WDR75: variants seen among roughly 807,000 people sequenced by gnomAD.
WDR75 encodes the protein WD repeat domain 75.
A neutral mutation model predicts 106.1 loss-of-function variants in WDR75; 52 were observed. The ratio of observed to expected loss-of-function variants is 0.49; its 90% confidence interval spans 0.39 to 0.62. WDR75 has a LOEUF of 0.62. Ranked by LOEUF, WDR75 falls within the 20% of genes least tolerant of loss-of-function variation. The probability of loss-of-function intolerance (pLI) is 0.00; values close to 1 mark genes in which losing one functional copy is unlikely to be tolerated. For synonymous variants in WDR75, 333 were observed against 335.5 expected (o/e 0.99, Z 0.08); for missense variants, 905 against 970.3 (o/e 0.93, Z 0.89).
At chr2:189,455,240 C>CAAAACAAAA (rs1686708592) in intron 4 of WDR75, 80 bp from the exon 5 acceptor site, 1 of 1,130,786 alleles carries the variant, frequency 8.8e-7, no homozygotes, top group African/African-American at 1.6e-5. Context: ...GACTTTGCCT[C>CAAAACAAAA]AAAAAAAAAA....
intron 18 of WDR75, among the ~76,000 whole-genome samples, chr2:189,473,324 G>A (rs1275165702): frequency 6.6e-6 from 1 of 152,182 alleles, no homozygotes; most frequent in Non-Finnish European, 1.5e-5. Context: ...CTAAGGAAGA[G>A]AAGGAGTTGA....
At chr2:189,452,258 A>T (rs1185900081) in intron 4 of WDR75, among the ~76,000 whole-genome samples, 1 of 152,118 alleles carries the variant, frequency 6.6e-6, no homozygotes, top group Non-Finnish European at 1.5e-5. Context: ...TGGAAATGGC[A>T]TAGAAAATTG....
chr2:189,441,731 C>T (rs1686370952), intron 1 of WDR75, among the ~76,000 whole-genome samples, 153 bp downstream of exon 1: 2 of 152,192 alleles, frequency 1.3e-5, no homozygotes, highest in Non-Finnish European at 2.9e-5. Flanking sequence ...CCCAGGGTAC[C>T]TGGGAGGTCC....
At chr2:189,442,558 C>T (rs1453433669) in intron 1 of WDR75, among the ~76,000 whole-genome samples, 1 of 140,580 alleles carries the variant, frequency 7.1e-6, no homozygotes, top group Admixed American at 7.9e-5. Context: ...TCAAGCAATT[C>T]TGGTGCCTCG....
Position 189,468,569 on chromosome 2 carries a change from T to G in WDR75, c.1723T>G (p.Leu575Val), listed in dbSNP as rs140498226. 33 of 1,613,006 alleles carry G rather than the reference T, an allele frequency of 2.0e-5. No homozygotes were observed. The African/African-American group carries it at 4.0e-4, about 20-fold the overall frequency. The change falls in exon 15 of 21, where the codon TTG (leucine) becomes GTG (valine). Residue 575 changes from leucine (L) to valine (V), a missense_variant and splice_region_variant. By Grantham distance (32) the Leu-to-Val change is conservative (BLOSUM62 1). Transcript: ENST00000314761. ...CTGTTGGAATCTGCTGAGCTGTGCATGTAAGATATTTTTTACTCTAAAGTG... is the reference window on the plus strand; with the variant it reads ...CTGTTGGAATCTGCTGAGCTGTGCAGGTAAGATATTTTTTACTCTAAAGTG... ...LCCWNLLSCALEWNAKLNVRV... is the reference protein window; with the variant it reads ...LCCWNLLSCAVEWNAKLNVRV...
At chr2:189,467,854 G>T (rs1305991081) in intron 14 of WDR75, among the ~76,000 whole-genome samples, 1 of 152,092 alleles carries the variant, frequency 6.6e-6, no homozygotes, top group Non-Finnish European at 1.5e-5. Context: ...TTAACTCTTG[G>T]CCTACATATT....
chr2:189,462,588 C>G lies in WDR75; in HGVS notation c.883C>G (p.His295Asp). Residue 295 changes from histidine (H) to aspartate (D), a missense_variant, in exon 9 of 21, where the codon CAT (histidine) becomes GAT (aspartate). Transcript: ENST00000314761. ...CCCGCGTTTAGGAGCTACTATTGAA[C>G]ATATCTCAGTCTCGCCTGCAGGAGA... ...FLPRLGATIE[H>D]ISVSPAGDLF... is the part of the protein sequence containing the mutation. The G allele has an allele frequency of 6.2e-7, 1 of 1,613,988 alleles. No individual in the cohort carries two copies. Among genetic ancestry groups the G allele is most frequent in the Non-Finnish European group, 8.5e-7 (1 of 1,179,968 alleles).
chr2:189,454,528 GT>G (rs139716448), intron 4 of WDR75, among the ~76,000 whole-genome samples: 12 of 130,036 alleles, frequency 9.2e-5, no homozygotes, highest in Admixed American at 3.0e-4. Flanking sequence ...TATTTCTTTT[GT>G]TTTTTTTTTT....
intron 2 of WDR75, chr2:189,450,391 C>T (rs1287279134): frequency 3.1e-6 from 3 of 969,668 alleles, no homozygotes; most frequent in African/African-American, 1.8e-5. Flanking sequence ...GAGAGTCTCA[C>T]TCTGTCTCCC....
chr2:189,474,312 A>G lies in WDR75; in HGVS notation c.2176A>G (p.Asn726Asp), dbSNP rs1687170136. The change falls in exon 19 of 21, where the codon AAC becomes GAC. Residue 726 changes from asparagine to aspartate, a missense_variant. Asn to Asp is a conservative substitution (Grantham distance 23). Coordinates refer to ENST00000314761, the MANE Select transcript of WDR75 (RefSeq NM_032168.3). ...GCTGGTACAACTACCCTTAACAGAA[A>G]ACATACCCGCAATTAGTGAGGTAAG... The part of the protein sequence containing the change: ...NELVQLPLTE[N>D]IPAISELLHT... 2.5e-6 allele frequency: 4 copies of G among 1,610,472 alleles called. No homozygotes were observed. Among genetic ancestry groups the G allele is most frequent in the Non-Finnish European group, 3.4e-6 (4 of 1,179,098 alleles).
At position 189,457,333 on chromosome 2, in the gene WDR75, G is replaced by T; in HGVS notation, c.521G>T (p.Arg174Leu). 3 of 1,604,020 alleles carry T rather than the reference G, an allele frequency of 1.9e-6. No individual in the cohort carries two copies. The highest frequency in any genetic ancestry group is 2.6e-6 in the Non-Finnish European group (3 of 1,172,180). The change falls in exon 6 of 21, where the codon CGG (arginine) becomes CTG (leucine). Residue 174 changes from arginine (R) to leucine (L), a missense_variant. Transcript: ENST00000314761. The stretch of plus-strand genomic sequence containing the variant: ...TAGGGAGTATATGTTGCTGCAGTAC[G>T]GGAATTTTACTTGTCTGTTTATTTT... ...GNEGVYVAAV[R>L]EFYLSVYFFK...
chr2:189,458,361 C>T (rs1015250689), intron 6 of WDR75, among the ~76,000 whole-genome samples: 12 of 152,122 alleles, frequency 7.9e-5, no homozygotes, highest in Non-Finnish European at 1.3e-4. Context: ...CTTTCAGATG[C>T]ATTAGCCATT....
At chr2:189,474,506 G>C (rs746158556) in intron 19 of WDR75, among the ~76,000 whole-genome samples, 174 bp downstream of exon 19, 3 of 152,170 alleles carry the variant, frequency 2.0e-5, no homozygotes, top group Non-Finnish European at 2.9e-5. Flanking sequence ...GTTTTGTCCT[G>C]GACCTGGTGT....
intron 9 of WDR75, among the ~76,000 whole-genome samples, chr2:189,463,435 T>G (rs1180636106): frequency 1.3e-5 from 2 of 152,152 alleles, no homozygotes; most frequent in African/African-American, 2.4e-5. Context: ...AGGTGACTCC[T>G]TCACCTTGAA....
intron 9 of WDR75, 100 bp downstream of exon 9, chr2:189,462,742 C>A: frequency 8.6e-7 from 1 of 1,163,618 alleles, no homozygotes; most frequent in Non-Finnish European, 1.2e-6. Flanking sequence ...CTAAGAGTAG[C>A]GTATGAGATT....
chr2:189,452,286 G>A (rs992823587), intron 4 of WDR75, among the ~76,000 whole-genome samples: 2 of 152,238 alleles, frequency 1.3e-5, no homozygotes, highest in African/African-American at 2.4e-5. Flanking sequence ...TTGGCCAGGC[G>A]CAGTGGCTCA....
intron 18 of WDR75, among the ~76,000 whole-genome samples, chr2:189,473,200 G>A (rs570405606): frequency 7.9e-5 from 12 of 151,362 alleles, no homozygotes; most frequent in African/African-American, 2.9e-4. Context: ...CTGGGTGACA[G>A]AACAAGACTC....
At chr2:189,464,004 T>G in intron 11 of WDR75, 43 bp downstream of exon 11, 1 of 1,539,374 alleles carries the variant, frequency 6.5e-7, no homozygotes, top group South Asian at 1.1e-5. Flanking sequence ...GAAAGCTCTT[T>G]ACAGTACCAC....
At chr2:189,456,412 A>G (rs1392322033) in intron 5 of WDR75, among the ~76,000 whole-genome samples, 1 of 152,142 alleles carries the variant, frequency 6.6e-6, no homozygotes, top group Admixed American at 6.5e-5. Context: ...CAAATGTGAT[A>G]TGCATACAAT....
Sources: gnomAD v4.1 joint callset for allele counts (sites outside exome capture counted in the v4.1 genomes callset) on GRCh38, gnomAD v4.1.1 for gene constraint, MANE v1.5 for transcripts, NCBI Gene and HGNC (gene_info 2026-07-23, HGNC 2026-07-21) for gene names.